SLC16A2: variants seen among roughly 807,000 people sequenced by gnomAD.
SLC16A2 encodes the protein monocarboxylate transporter 8.
In SLC16A2, 3 loss-of-function variants were observed where a neutral mutation model predicts 27.2. The ratio of observed to expected loss-of-function variants is 0.11; its 90% confidence interval spans 0.05 to 0.28. The LOEUF is 0.28. SLC16A2 is among the 10% of genes least tolerant of loss of function. The probability of loss-of-function intolerance (pLI) is 1.00; values close to 1 mark genes in which losing one functional copy is unlikely to be tolerated. For missense variants in SLC16A2, 295 were observed against 458.5 expected (o/e 0.64, Z 3.26); for synonymous variants, 202 against 187.8 (o/e 1.08, Z -0.62).
intron 1 of SLC16A2, among the ~76,000 whole-genome samples, chrX:74,486,081 G>C (rs939326662): frequency 9.8e-5 from 11 of 111,990 alleles, no homozygotes; most frequent in African/African-American, 3.6e-4. Context: ...CCCTCCCCCT[G>C]TGCTCTCAGA....
chrX:74,440,113 A>G (rs1229356377), intron 1 of SLC16A2, among the ~76,000 whole-genome samples: 1 of 111,977 alleles, frequency 8.9e-6, no homozygotes, highest in East Asian at 2.8e-4. Flanking sequence ...CCTGGGCTTT[A>G]TGTAATGGGC....
At chrX:74,483,411 T>C (rs1929661575) in intron 1 of SLC16A2, among the ~76,000 whole-genome samples, 1 of 111,870 alleles carries the variant, frequency 8.9e-6, no homozygotes, top group African/African-American at 3.3e-5. Flanking sequence ...TCTTAGCTTT[T>C]TCTCTGGTTC....
At position 74,533,050 on chromosome X, in the gene SLC16A2, CT is replaced by C. The variant is rs1164717584; in HGVS notation, c.*1498del. Reference sequence around the variant, plus strand: ...CTGCCTCTTTGTGTCTCTTTTTCTCCTCTCTGAGCCTTTGTCTATTGTGTTC... The same window carrying C: ...CTGCCTCTTTGTGTCTCTTTTTCTCCCTCTGAGCCTTTGTCTATTGTGTTC... On this transcript the variant is annotated 3_prime_UTR_variant, in exon 6 of 6. Transcript: ENST00000587091. 2 of 112,017 alleles carry C rather than the reference CT, an allele frequency of 1.8e-5. No homozygotes were observed. The highest frequency in any genetic ancestry group is 3.8e-5 in the Non-Finnish European group (2 of 53,078). The allele number at this position is 112,017 out of a possible 1,213,427, so 9.2% of individuals were successfully genotyped here. A position where few individuals can be genotyped will look rare whatever the true frequency, so the allele number is the denominator to read the frequency against.
At chrX:74,439,945 T>C (rs1928711894) in intron 1 of SLC16A2, among the ~76,000 whole-genome samples, 3 of 112,036 alleles carry the variant, frequency 2.7e-5, no homozygotes, top group African/African-American at 6.5e-5. Flanking sequence ...TCAAATCAAA[T>C]GGCAGAGTCC....
intron 1 of SLC16A2, among the ~76,000 whole-genome samples, chrX:74,514,588 C>T (rs1203462071): frequency 9.0e-6 from 1 of 111,468 alleles, no homozygotes; most frequent in Non-Finnish European, 1.9e-5. Context: ...ACATAGGGAG[C>T]CTGGACTTTC....
At chrX:74,481,391 T>C (rs958632402) in intron 1 of SLC16A2, among the ~76,000 whole-genome samples, 4 of 112,138 alleles carry the variant, frequency 3.6e-5, no homozygotes, top group African/African-American at 1.3e-4. Context: ...TTTTTACTTG[T>C]TACAGTTAAA....
At chrX:74,519,323 G>A (rs1479068159) in intron 1 of SLC16A2, among the ~76,000 whole-genome samples, 1 of 107,811 alleles carries the variant, frequency 9.3e-6, no homozygotes, top group Non-Finnish European at 1.9e-5. Context: ...AACTACAGGC[G>A]CCCGCCCCCA....
chrX:74,483,115 G>A (rs997578799), intron 1 of SLC16A2, among the ~76,000 whole-genome samples: 1 of 111,093 alleles, frequency 9.0e-6, no homozygotes, highest in African/African-American at 3.3e-5. Flanking sequence ...CTATTTCCCT[G>A]CAGCATACAG....
chrX:74,480,526 C>T (rs1045670551), intron 1 of SLC16A2, among the ~76,000 whole-genome samples: 1 of 112,185 alleles, frequency 8.9e-6, no homozygotes, highest in Admixed American at 9.4e-5. Context: ...GTGAGATGCA[C>T]CCAGTACCTC....
At chrX:74,462,100 C>T (rs1282688432) in intron 1 of SLC16A2, among the ~76,000 whole-genome samples, 1 of 112,004 alleles carries the variant, frequency 8.9e-6, no homozygotes, top group Non-Finnish European at 1.9e-5. Context: ...CCTCTGTTGG[C>T]CCAGTGTCTT....
At chrX:74,473,857 C>A in intron 1 of SLC16A2, 1 of 483,588 alleles carries the variant, frequency 2.1e-6, no homozygotes, top group Non-Finnish European at 3.7e-6. Flanking sequence ...AATGACTCAA[C>A]CATTTTGAGC....
chrX:74,427,790 T>C (rs763909221), intron 1 of SLC16A2, among the ~76,000 whole-genome samples: 3 of 94,315 alleles, frequency 3.2e-5, no homozygotes, highest in Admixed American at 2.2e-4. Context: ...CGCAAGCGCA[T>C]GCGCACGCGT....
At chrX:74,432,943 T>G (rs1277979592) in intron 1 of SLC16A2, among the ~76,000 whole-genome samples, 2 of 112,171 alleles carry the variant, frequency 1.8e-5, no homozygotes, top group African/African-American at 6.5e-5. Context: ...GCCACCCTGT[T>G]TCCCTCCCTA....
At chrX:74,528,238 C>G (rs960119668) in intron 4 of SLC16A2, among the ~76,000 whole-genome samples, 3 of 111,309 alleles carry the variant, frequency 2.7e-5, no homozygotes, top group African/African-American at 9.8e-5. Context: ...TGACCTGGCT[C>G]TACTGGCTGC....
At chrX:74,496,366 C>T (rs1225756874) in intron 1 of SLC16A2, among the ~76,000 whole-genome samples, 1 of 111,273 alleles carries the variant, frequency 9.0e-6, no homozygotes, top group Non-Finnish European at 1.9e-5. Context: ...CTTGACCATC[C>T]CACCCAGGGG....
rs181110767 is a variant in SLC16A2 at position 74,498,665 on chromosome X, C to T, written c.431-22325C>T. Among the ~76,000 whole-genome samples, 67 of 112,025 alleles carry T rather than the reference C, an allele frequency of 6.0e-4. 1 individual carries two copies. The highest frequency in any genetic ancestry group is 2.2e-3 in the African/African-American group (67 of 30,855). ...GAATTGGTTTTGTCTGTGCAATGGG[C>T]AGGAAGAACCCATTGGTTGAGTACA... On this transcript the variant is annotated intron_variant, in intron 1 of 5. Coordinates refer to ENST00000587091, the MANE Select transcript of SLC16A2 (RefSeq NM_006517.5).
chrX:74,462,684 T>C (rs1929174252), intron 1 of SLC16A2, among the ~76,000 whole-genome samples: 1 of 111,487 alleles, frequency 9.0e-6, no homozygotes, highest in Admixed American at 9.6e-5. Flanking sequence ...CTTTGAAAAA[T>C]GGGCTTCTCC....
rs1449600865 is a variant in SLC16A2 at position 74,531,934 on chromosome X, T to C, written c.*381T>C. On this transcript the variant is annotated 3_prime_UTR_variant, in exon 6 of 6. Transcript: ENST00000587091. ...TGCTACTGTGTCCCCAGGAGCCTAA[T>C]AGGGTAGGCCCAAATCTCTGTTTGC... 2.0e-5 allele frequency: 5 copies of C among 244,498 alleles called. No homozygotes were observed. Among genetic ancestry groups the C allele is most frequent in the South Asian group, 6.2e-5 (1 of 16,188 alleles). 20.1% of individuals were successfully genotyped at this position (244,498 alleles called of 1,213,427 possible).
intron 1 of SLC16A2, among the ~76,000 whole-genome samples, chrX:74,468,319 A>G (rs980133486): frequency 8.9e-6 from 1 of 112,078 alleles, no homozygotes; most frequent in Non-Finnish European, 1.9e-5. Context: ...TTCTGTTTCT[A>G]TAAATGTGTA....
Sources: gnomAD v4.1 joint callset for allele counts (sites outside exome capture counted in the v4.1 genomes callset) on GRCh38, gnomAD v4.1.1 for gene constraint, MANE v1.5 for transcripts, NCBI Gene and HGNC (gene_info 2026-07-23, HGNC 2026-07-21) for gene names.